The following EPB41L4B variants were observed in gnomAD, a reference collection of about 807,000 sequenced individuals.
The protein encoded by EPB41L4B is band 4.1-like protein 4B.
Under a neutral mutation model 112.5 loss-of-function variants are expected in EPB41L4B, and 30 were observed. The observed-to-expected ratio is 0.27, with a 90% CI of 0.20 to 0.36. EPB41L4B has a LOEUF of 0.36. EPB41L4B is among the 10% of genes least tolerant of loss of function. The pLI is 1.00. For missense variants in EPB41L4B, 1,024 were observed against 1,133.3 expected (o/e 0.90, Z 1.38); for synonymous variants, 408 against 439.7 (o/e 0.93, Z 0.90).
intron 6 of EPB41L4B, among the ~76,000 whole-genome samples, chr9:109,259,985 A>C (rs1230094850): frequency 6.6e-6 from 1 of 152,122 alleles, no homozygotes; most frequent in African/African-American, 2.4e-5. Context: ...AGACTGTAGC[A>C]TTTACTCATG....
At chr9:109,252,344 CAG>C (rs1015239800) in intron 12 of EPB41L4B, among the ~76,000 whole-genome samples, 2 of 152,218 alleles carry the variant, frequency 1.3e-5, no homozygotes, top group African/African-American at 4.8e-5. Context: ...TGGAACAGAA[CAG>C]AGAGCGTTCT....
chr9:109,268,464 A>G (rs757889341), intron 2 of EPB41L4B, 31 bp from the exon 3 acceptor site: 9 of 1,595,524 alleles, frequency 5.6e-6, no homozygotes, highest in Non-Finnish European at 7.7e-6. Context: ...TTCTTTAGGA[A>G]TAGTTCATCA....
At chr9:109,248,269 C>T (rs1286481399) in intron 13 of EPB41L4B, among the ~76,000 whole-genome samples, 3 of 152,132 alleles carry the variant, frequency 2.0e-5, no homozygotes, top group African/African-American at 4.8e-5. Context: ...CATGTGGGTC[C>T]CCTTGCTATT....
At chr9:109,225,275 G>A (rs1312636664) in intron 15 of EPB41L4B, among the ~76,000 whole-genome samples, 1 of 152,252 alleles carries the variant, frequency 6.6e-6, no homozygotes, top group Non-Finnish European at 1.5e-5. Flanking sequence ...GCCTGGTACT[G>A]TGCCATGCAC....
chr9:109,272,900 G>C (rs1219786942), intron 2 of EPB41L4B, among the ~76,000 whole-genome samples: 2 of 152,124 alleles, frequency 1.3e-5, no homozygotes, highest in African/African-American at 4.8e-5. Context: ...CTAAGGCTGG[G>C]GTGTGGGAGG....
intron 1 of EPB41L4B, among the ~76,000 whole-genome samples, chr9:109,298,577 G>A (rs1836829556): frequency 6.6e-6 from 1 of 152,196 alleles, no homozygotes; most frequent in South Asian, 2.1e-4. Flanking sequence ...CTCCCAAAGT[G>A]CTGGGATTAC....
chr9:109,304,957 T>C (rs1286133544), intron 1 of EPB41L4B, among the ~76,000 whole-genome samples: 2 of 152,246 alleles, frequency 1.3e-5, no homozygotes, highest in African/African-American at 4.8e-5. Flanking sequence ...AGCCAGATAG[T>C]AATGATGGTT....
chr9:109,196,498 G>T (rs1832646395), intron 20 of EPB41L4B, among the ~76,000 whole-genome samples: 1 of 152,132 alleles, frequency 6.6e-6, no homozygotes, highest in Non-Finnish European at 1.5e-5. Flanking sequence ...GCAGGCGATT[G>T]CTTGAGCACA....
chr9:109,318,436 C>T (rs955314668), intron 1 of EPB41L4B, among the ~76,000 whole-genome samples: 11 of 152,154 alleles, frequency 7.2e-5, no homozygotes, highest in Admixed American at 2.6e-4. Context: ...ACCATGCACA[C>T]CACTTAAGCC....
At chr9:109,290,732 C>T (rs1023228227) in intron 1 of EPB41L4B, among the ~76,000 whole-genome samples, 16 of 149,488 alleles carry the variant, frequency 1.1e-4, no homozygotes, top group African/African-American at 1.7e-4. Context: ...TATATATACA[C>T]ACACACACAT....
At chr9:109,274,418 A>G (rs1454848169) in intron 2 of EPB41L4B, among the ~76,000 whole-genome samples, 1 of 152,138 alleles carries the variant, frequency 6.6e-6, no homozygotes, top group Admixed American at 6.5e-5. Flanking sequence ...TGTTCATTTT[A>G]TCAGTAATAC....
chr9:109,265,123 A>G, intron 4 of EPB41L4B, 99 bp from the exon 5 acceptor site: 1 of 924,064 alleles, frequency 1.1e-6, no homozygotes, highest in Middle Eastern at 2.2e-4. Flanking sequence ...CACAGCATGG[A>G]GTTTTGCATT....
intron 1 of EPB41L4B, chr9:109,301,054 T>C (rs1467926641): frequency 6.6e-6 from 1 of 152,206 alleles, no homozygotes; most frequent in African/African-American, 2.4e-5. Flanking sequence ...ATATGCCTAA[T>C]TTATTCCACA....
rs770962381 is a variant in EPB41L4B at position 109,194,248 on chromosome 9, C to T, written c.2195G>A (p.Gly732Asp). Residue 732 changes from glycine to aspartate, a missense_variant, in exon 21 of 26, where the codon GGC (glycine) becomes GAC (aspartate). Gly to Asp is a moderately conservative substitution (Grantham distance 94). Transcript: ENST00000374566. ...QNVSSPHKSE[G>D]KGLLSPGAKS... ...GGCCCCAGGGGACAGCAGGCCTTTG[C>T]CTTCTGACTTGTGAGGCGAGCTGAC... The T allele has an allele frequency of 3.7e-6, 6 of 1,614,088 alleles. No individual in the cohort carries two copies. Among genetic ancestry groups the T allele is most frequent in the South Asian group, 1.1e-5 (1 of 91,086 alleles).
chr9:109,310,006 G>A (rs897800035), intron 1 of EPB41L4B, among the ~76,000 whole-genome samples: 6 of 152,094 alleles, frequency 3.9e-5, no homozygotes, highest in African/African-American at 1.4e-4. Context: ...CTTCCTCCCA[G>A]GTACACACCC....
intron 23 of EPB41L4B, among the ~76,000 whole-genome samples, chr9:109,183,000 G>C (rs1055562142): frequency 1.3e-5 from 2 of 152,158 alleles, no homozygotes; most frequent in Non-Finnish European, 2.9e-5. Context: ...TGGACTGCAG[G>C]ACGGGCCTCA....
intron 17 of EPB41L4B, among the ~76,000 whole-genome samples, chr9:109,209,792 G>GATAACTACT (rs1833101536): frequency 1.3e-5 from 2 of 152,130 alleles, no homozygotes; most frequent in Non-Finnish European, 2.9e-5. Flanking sequence ...CTCATTTCAA[G>GATAACTACT]ATAACTACTA....
chr9:109,201,975 T>C (rs1832848748), intron 19 of EPB41L4B, among the ~76,000 whole-genome samples: 1 of 152,082 alleles, frequency 6.6e-6, no homozygotes, highest in South Asian at 2.1e-4. Context: ...TAGAGGACTG[T>C]GGGCAGCAGT....
intron 1 of EPB41L4B, among the ~76,000 whole-genome samples, chr9:109,294,275 AGCCTGG>A (rs1368791806): frequency 6.6e-6 from 1 of 150,928 alleles, no homozygotes; most frequent in Non-Finnish European, 1.5e-5. Flanking sequence ...ACTGCACTCC[AGCCTGG>A]GCGAGAGAGA....
Sources: gnomAD v4.1 joint callset for allele counts (sites outside exome capture counted in the v4.1 genomes callset) on GRCh38, gnomAD v4.1.1 for gene constraint, MANE v1.5 for transcripts, NCBI Gene and HGNC (gene_info 2026-07-23, HGNC 2026-07-21) for gene names.